Variants in PCDHGB5 observed in about 807,000 individuals in gnomAD.
PCDHGB5 encodes the protein protocadherin gamma-B5.
PCDHGB5 carries 48 observed loss-of-function variants against 62.9 expected under a neutral mutation model. That is an observed-to-expected ratio of 0.76 (90% CI 0.61 to 0.97). The LOEUF (loss-of-function observed/expected upper bound fraction) is 0.97. Among genes scored for constraint, PCDHGB5 ranks in the 50% least tolerant of loss-of-function variants. The probability of loss-of-function intolerance (pLI) is 0.00; values close to 1 mark genes in which losing one functional copy is unlikely to be tolerated. For missense variants in PCDHGB5, 1,118 were observed against 1,198.6 expected (o/e 0.93, Z 0.99); for synonymous variants, 474 against 511.2 (o/e 0.93, Z 0.98).
chr5:141,442,797 G>A (rs140116155), intron 1 of PCDHGB5, among the ~76,000 whole-genome samples: 1,916 of 152,222 alleles, frequency 0.013, 22 homozygotes, highest in Non-Finnish European at 0.02. Context: ...ATTTTACTTT[G>A]ATATTCAAAT....
At chr5:141,502,925 C>T (rs962871271) in intron 2 of PCDHGB5, among the ~76,000 whole-genome samples, 5 of 145,518 alleles carry the variant, frequency 3.4e-5, no homozygotes, top group Non-Finnish European at 5.9e-5. Flanking sequence ...GCAGTGGCAA[C>T]CTTCACCTCC....
In PCDHGB5 at chr5:141,491,410, G is replaced by T. The variant is rs777207581; in HGVS notation, c.2398-3397G>T. On this transcript the variant is annotated intron_variant, in intron 1 of 3. Transcript: ENST00000617380. The surrounding 1 kb of genome is among the most constrained non-coding windows in gnomAD (Gnocchi z 6.9). ...GTGCCTTCAGGGAAACGCAGACGGG[G>T]ACGGGGGTGGAGGGCAGTGCTGCAG... 28 of 1,614,142 alleles carry T rather than the reference G, an allele frequency of 1.7e-5. No individual in the cohort carries two copies. The highest frequency in any genetic ancestry group is 2.4e-5 in the Non-Finnish European group (28 of 1,180,034).
At chr5:141,408,313 T>A (rs375849626) in intron 1 of PCDHGB5, 28 of 1,613,640 alleles carry the variant, frequency 1.7e-5, no homozygotes, top group Non-Finnish European at 2.0e-5. Flanking sequence ...GCTACTCGAT[T>A]CCGGAGGAGC....
intron 1 of PCDHGB5, chr5:141,414,493 GCT>G: frequency 6.2e-7 from 1 of 1,613,950 alleles, no homozygotes; most frequent in Non-Finnish European, 8.5e-7. Context: ...ATCAACGGAA[GCT>G]CACTTTATGC....
intron 1 of PCDHGB5, among the ~76,000 whole-genome samples, chr5:141,492,167 C>T (rs565536989): frequency 6.6e-6 from 1 of 152,344 alleles, no homozygotes; most frequent in East Asian, 1.9e-4. Context: ...CCTATCCCCG[C>T]ATCACCCAAC....
At chr5:141,408,590 G>A (rs776799830) in intron 1 of PCDHGB5, 4 of 1,613,956 alleles carry the variant, frequency 2.5e-6, no homozygotes, top group East Asian at 2.2e-5. Context: ...TAATGACCAC[G>A]CCCCTCAATT....
intron 1 of PCDHGB5, chr5:141,404,026 A>T: frequency 6.2e-7 from 1 of 1,613,874 alleles, no homozygotes; most frequent in Non-Finnish European, 8.5e-7. Context: ...CAGTGAGAGA[A>T]GACGCACCTC....
At chr5:141,444,757 C>T (rs919228537) in intron 1 of PCDHGB5, among the ~76,000 whole-genome samples, 4 of 152,050 alleles carry the variant, frequency 2.6e-5, no homozygotes, top group African/African-American at 9.7e-5. Flanking sequence ...ATATGTAGTT[C>T]TATTTCTATA....
In PCDHGB5 at chr5:141,400,091, C is replaced by A; in HGVS notation, c.1964C>A (p.Thr655Lys). 6.2e-7 allele frequency: 1 copy of A among 1,614,072 alleles called. No homozygotes were observed. The highest frequency in any genetic ancestry group is 8.5e-7 in the Non-Finnish European group (1 of 1,179,900). Residue 655 changes from threonine (T) to lysine (K), a missense_variant, in exon 1 of 4, where the codon ACG (threonine) becomes AAG (lysine). Thr to Lys is a moderately conservative substitution (Grantham distance 78). Around this residue, in one of 2 missense-constraint regions of PCDHGB5, gnomAD observed 1,034 missense variants for 1,029.1 expected, o/e 1.00. Coordinates refer to ENST00000617380, the MANE Select transcript of PCDHGB5 (RefSeq NM_018925.3). ...GGQPPLSATATLHLVFADSLQ... is the reference protein window; with the variant it reads ...GGQPPLSATAKLHLVFADSLQ... ...CAGCCGCCACTCTCCGCCACCGCCA[C>A]GCTGCACTTGGTCTTTGCTGACAGC...
At chr5:141,419,552 C>T in intron 1 of PCDHGB5, 1 of 1,612,014 alleles carries the variant, frequency 6.2e-7, no homozygotes, top group Non-Finnish European at 8.5e-7. Flanking sequence ...GGTGCTGTAC[C>T]CTGCGCTGGG....
chr5:141,461,655 ATTTTAAAG>A (rs2099019832), intron 1 of PCDHGB5, among the ~76,000 whole-genome samples: 1 of 152,022 alleles, frequency 6.6e-6, no homozygotes, highest in African/African-American at 2.4e-5. Flanking sequence ...CCCATGGATT[ATTTTAAAG>A]TTTGTTATTT....
At chr5:141,496,637 C>T (rs907246032) in intron 2 of PCDHGB5, among the ~76,000 whole-genome samples, 6 of 152,214 alleles carry the variant, frequency 3.9e-5, no homozygotes, top group Non-Finnish European at 7.3e-5. Context: ...GCTTGGGCTG[C>T]CCTTGCCCTT....
chr5:141,470,972 C>T (rs1186771156), intron 1 of PCDHGB5, among the ~76,000 whole-genome samples: 3 of 151,988 alleles, frequency 2.0e-5, no homozygotes, highest in Non-Finnish European at 4.4e-5. Flanking sequence ...CCACCTCAGC[C>T]TCCCAAAGTG....
rs1224625072 is a variant in PCDHGB5 at position 141,490,972 on chromosome 5, C to A, written c.2398-3835C>A. On this transcript the variant is annotated intron_variant, in intron 1 of 3. Transcript: ENST00000617380. The surrounding 1 kb of genome is among the most constrained non-coding windows in gnomAD (Gnocchi z 5.4). ...AGACTGGGAACACTCAGCCCCCCAG[C>A]GTCTCCCTCGCTCTGCTCCTCCTGG... is the stretch of plus-strand genomic sequence containing the variant. 2 of 1,613,912 alleles carry A rather than the reference C, an allele frequency of 1.2e-6. No individual in the cohort carries two copies. Among genetic ancestry groups the A allele is most frequent in the Non-Finnish European group, 1.7e-6 (2 of 1,179,922 alleles).
In PCDHGB5 at chr5:141,410,693, A is replaced by AT. The variant is rs774266569; in HGVS notation, c.2397+10173dup. On this transcript the variant is annotated intron_variant, in intron 1 of 3. Coordinates refer to ENST00000617380, the MANE Select transcript of PCDHGB5 (RefSeq NM_018925.3). ...TCTCATATTTTAGGCATACTACTTT[A>AT]TTTTCATATCTAGAATCATATGTTT... The AT allele has an allele frequency of 1.1e-5, 17 of 1,496,786 alleles. No homozygotes were observed. In the Admixed American group the frequency reaches 3.7e-4, roughly 33 times the overall value. The allele number at this position is 1,496,786 out of a possible 1,614,324, so 92.7% of individuals were successfully genotyped here.
intron 1 of PCDHGB5, chr5:141,419,774 C>T (rs2096431329): frequency 6.2e-7 from 1 of 1,613,902 alleles, no homozygotes; most frequent in Admixed American, 1.7e-5. Flanking sequence ...GGACTCGGTC[C>T]GCCAGCGCCT....
At chr5:141,465,922 T>A (rs7704812) in intron 1 of PCDHGB5, among the ~76,000 whole-genome samples, 42,795 of 151,826 alleles carry the variant, frequency 0.28, 6,697 homozygotes, top group African/African-American at 0.42. Flanking sequence ...GGATTTCGAG[T>A]CCATCCTGGC....
intron 1 of PCDHGB5, among the ~76,000 whole-genome samples, chr5:141,463,377 G>T (rs1161419035): frequency 2.7e-5 from 4 of 147,358 alleles, no homozygotes; most frequent in Non-Finnish European, 3.0e-5. Flanking sequence ...CCCACAGTCT[G>T]AAAGTTGTCT....
intron 1 of PCDHGB5, chr5:141,410,442 C>T (rs1444532577): frequency 6.2e-7 from 1 of 1,613,942 alleles, no homozygotes; most frequent in East Asian, 2.2e-5. Context: ...AGTGAGGGGA[C>T]TTTGCCTTAT....
Sources: allele counts gnomAD v4.1 joint callset (sites outside exome capture counted in the v4.1 genomes callset), GRCh38; gene constraint gnomAD v4.1.1; regional missense constraint gnomAD v4.1.1; non-coding constraint Gnocchi (gnomAD v3.1); transcripts MANE v1.5; gene names NCBI Gene and HGNC (gene_info 2026-07-23, HGNC 2026-07-21).